The following KCNQ3 variants were observed in gnomAD, a reference collection of about 807,000 sequenced individuals.
KCNQ3 encodes the protein potassium voltage-gated channel subfamily Q member 3.
KCNQ3 carries 30 observed loss-of-function variants against 92.5 expected under a neutral mutation model. The ratio of observed to expected loss-of-function variants is 0.32; its 90% CI spans 0.24 to 0.44. KCNQ3 has a LOEUF of 0.44. Ranked by LOEUF, KCNQ3 falls within the 20% of genes least tolerant of loss-of-function variation. KCNQ3 has a pLI of 1.00. For missense variants in KCNQ3, 913 were observed against 1,140.3 expected, an observed-to-expected ratio of 0.80 and a Z score of 2.87; for synonymous variants, 450 against 468.8, an observed-to-expected ratio of 0.96 and a Z score of 0.52.
In KCNQ3 at chr8:132,357,915, G is replaced by A. The variant is rs147291626; in HGVS notation, c.386+122232C>T. 2.0e-4 allele frequency among the ~76,000 whole-genome samples: 31 copies of A among 152,240 alleles called. No individual in the cohort carries two copies. In the East Asian group the frequency reaches 5.2e-3, roughly 26 times the overall value. On this transcript the variant is annotated intron_variant, in intron 1 of 14. Coordinates refer to ENST00000388996, the MANE Select transcript of KCNQ3 (RefSeq NM_004519.4). Reference sequence around the variant, plus strand: ...TCCCTAAAGGCCTTTGTGCTCTGGCGCAAAGAGCTCTGTCTGGAACACCAT... The same window carrying A: ...TCCCTAAAGGCCTTTGTGCTCTGGCACAAAGAGCTCTGTCTGGAACACCAT...
chr8:132,145,253 G>C (rs574271577), intron 9 of KCNQ3, among the ~76,000 whole-genome samples: 1 of 152,302 alleles, frequency 6.6e-6, no homozygotes, highest in South Asian at 2.1e-4. Flanking sequence ...ACAGGATCTA[G>C]CACAGTATCT....
At chr8:132,230,605 A>C (rs1814615437) in intron 1 of KCNQ3, among the ~76,000 whole-genome samples, 1 of 152,264 alleles carries the variant, frequency 6.6e-6, no homozygotes, top group Admixed American at 6.5e-5. Context: ...GCAGAAAAAC[A>C]AGAGTGTTAT....
chr8:132,457,791 A>G (rs1351996682), intron 1 of KCNQ3, among the ~76,000 whole-genome samples: 1 of 152,132 alleles, frequency 6.6e-6, no homozygotes, highest in Admixed American at 6.5e-5. Flanking sequence ...CTGCTATCCT[A>G]TGGTCACAGT....
intron 1 of KCNQ3, among the ~76,000 whole-genome samples, chr8:132,410,408 G>A (rs1220300703): frequency 1.3e-5 from 2 of 152,188 alleles, no homozygotes; most frequent in African/African-American, 4.8e-5. Flanking sequence ...AGGACAAAGA[G>A]GGAAAGATGT....
chr8:132,393,645 G>A (rs970334111), intron 1 of KCNQ3, among the ~76,000 whole-genome samples: 12 of 152,170 alleles, frequency 7.9e-5, no homozygotes, highest in East Asian at 5.8e-4. Context: ...TCAATTTACC[G>A]CATGTCAGGC....
intron 1 of KCNQ3, among the ~76,000 whole-genome samples, chr8:132,302,023 T>G (rs1317721759): frequency 6.6e-6 from 1 of 152,084 alleles, no homozygotes; most frequent in Non-Finnish European, 1.5e-5. Context: ...CTAAAGGAAG[T>G]GGCACTCGAG....
intron 1 of KCNQ3, among the ~76,000 whole-genome samples, chr8:132,410,945 A>T (rs543100107): frequency 6.6e-6 from 1 of 152,160 alleles, no homozygotes; most frequent in African/African-American, 2.4e-5. Context: ...CACACAAAGC[A>T]CCTGGGCATC....
intron 1 of KCNQ3, among the ~76,000 whole-genome samples, chr8:132,342,837 T>C (rs1818572355): frequency 6.6e-6 from 1 of 152,244 alleles, no homozygotes. Context: ...TAAACATCAC[T>C]GAATAAATTG....
intron 1 of KCNQ3, among the ~76,000 whole-genome samples, chr8:132,367,966 T>G (rs1312186489): frequency 6.6e-6 from 1 of 152,154 alleles, no homozygotes; most frequent in Admixed American, 6.5e-5. Flanking sequence ...ACTTAAATCC[T>G]GCACCATCAT....
chr8:132,176,092 A>G (rs1472193460), intron 4 of KCNQ3, among the ~76,000 whole-genome samples: 1 of 152,198 alleles, frequency 6.6e-6, no homozygotes, highest in East Asian at 1.9e-4. Context: ...AAATCTCAGT[A>G]TCTTCATTTG....
chr8:132,217,389 A>T (rs536761381), intron 1 of KCNQ3, among the ~76,000 whole-genome samples: 1 of 152,118 alleles, frequency 6.6e-6, no homozygotes. Context: ...TGGAATCTCT[A>T]CCTCATTGAG....
At chr8:132,240,535 C>T (rs904069259) in intron 1 of KCNQ3, among the ~76,000 whole-genome samples, 1 of 152,190 alleles carries the variant, frequency 6.6e-6, no homozygotes, top group Non-Finnish European at 1.5e-5. Flanking sequence ...CCATGCTCAC[C>T]TCCCCTGTGT....
Position 132,175,566 on chromosome 8 carries a change from G to A in KCNQ3, c.820C>T (p.Leu274Phe), listed in dbSNP as rs1256382316. ...AWYIGFLTLI[L>F]SSFLVYLVEK... ...ACCAGGTAGACAAGAAATGAAGAAA[G>A]GATGAGTGTCAGGAAACCGATGTAC... The change falls in exon 5 of 15, where the codon CTT becomes TTT. Residue 274 changes from leucine to phenylalanine, a missense_variant. By Grantham distance (22) the Leu-to-Phe change is conservative. This residue lies in a region of KCNQ3 where 100 missense variants were observed against 217.6 expected (regional missense o/e 0.46). Coordinates refer to ENST00000388996, the MANE Select transcript of KCNQ3 (RefSeq NM_004519.4). The A allele has an allele frequency of 6.2e-7, 1 of 1,614,154 alleles. No homozygotes were observed. The highest frequency in any genetic ancestry group is 8.5e-7 in the Non-Finnish European group (1 of 1,179,994).
At chr8:132,450,521 T>G (rs941514076) in intron 1 of KCNQ3, among the ~76,000 whole-genome samples, 1 of 152,152 alleles carries the variant, frequency 6.6e-6, no homozygotes, top group Non-Finnish European at 1.5e-5. Context: ...TGCCAACACC[T>G]TCCCCCTCCC....
intron 1 of KCNQ3, among the ~76,000 whole-genome samples, chr8:132,359,056 C>T (rs1448269870): frequency 6.6e-6 from 1 of 152,220 alleles, no homozygotes; most frequent in Admixed American, 6.5e-5. Flanking sequence ...TACCTCTTCA[C>T]CTTGGCCCCA....
At chr8:132,387,782 C>T (rs1819926567) in intron 1 of KCNQ3, among the ~76,000 whole-genome samples, 1 of 152,142 alleles carries the variant, frequency 6.6e-6, no homozygotes, top group Non-Finnish European at 1.5e-5. Context: ...AGGAGGATCT[C>T]TTGAGTCCAG....
At chr8:132,383,439 G>A (rs779732203) in intron 1 of KCNQ3, among the ~76,000 whole-genome samples, 1 of 152,220 alleles carries the variant, frequency 6.6e-6, no homozygotes, top group Admixed American at 6.5e-5. Context: ...GTTGGCAGCA[G>A]AGGTCAGAGA....
Position 132,439,241 on chromosome 8 carries a change from C to T in KCNQ3, c.386+40906G>A, listed in dbSNP as rs532368300. On this transcript the variant is annotated intron_variant, in intron 1 of 14. Coordinates refer to ENST00000388996, the MANE Select transcript of KCNQ3 (RefSeq NM_004519.4). Reference sequence around the variant, plus strand: ...AAACTCATCAGGATAAACCAGACTCCGGAAATTCAATTCATCCCAGCAAAC... The same window carrying T: ...AAACTCATCAGGATAAACCAGACTCTGGAAATTCAATTCATCCCAGCAAAC... Among the ~76,000 whole-genome samples, 21 of 151,910 alleles carry T rather than the reference C, an allele frequency of 1.4e-4. No individual in the cohort carries two copies. The South Asian group carries it at 2.9e-3, about 21-fold the overall frequency.
chr8:132,366,531 T>C (rs560904175), intron 1 of KCNQ3, among the ~76,000 whole-genome samples: 7 of 152,224 alleles, frequency 4.6e-5, no homozygotes, highest in Non-Finnish European at 1.0e-4. Context: ...CCTCCTTTTT[T>C]ACTTGAATTC....
Sources: allele counts gnomAD v4.1 joint callset (sites outside exome capture counted in the v4.1 genomes callset), GRCh38; gene constraint gnomAD v4.1.1; regional missense constraint gnomAD v4.1.1; transcripts MANE v1.5; gene names NCBI Gene and HGNC (gene_info 2026-07-23, HGNC 2026-07-21).